The following MYO16 variants were observed in gnomAD, a reference collection of about 807,000 sequenced individuals.
MYO16 encodes unconventional myosin-XVI.
A neutral mutation model predicts 205.3 loss-of-function variants in MYO16; 94 were observed. The ratio of observed to expected loss-of-function variants is 0.46; its 90% CI spans 0.39 to 0.54. The LOEUF (loss-of-function observed/expected upper bound fraction) is 0.54, where lower values mean the gene tolerates loss of function less well. MYO16 is among the 20% of genes least tolerant of loss of function. The pLI is 0.00. For synonymous variants in MYO16, 988 were observed against 954.0 expected (o/e 1.04, Z -0.66); for missense variants, 2,315 against 2,387.5 (o/e 0.97, Z 0.63).
intron 4 of MYO16, among the ~76,000 whole-genome samples, chr13:108,781,424 TTCAGCAGCTCTCTCA>T (rs1288925117): frequency 2.6e-5 from 4 of 152,346 alleles, no homozygotes; most frequent in South Asian, 4.1e-4. Flanking sequence ...TATGGCTTTA[TTCAGCAGCTCTCTCA>T]GCAGCAGCTC....
intron 34 of MYO16, among the ~76,000 whole-genome samples, chr13:109,199,257 C>T (rs1880311637): frequency 7.4e-6 from 1 of 135,166 alleles, no homozygotes; most frequent in African/African-American, 2.7e-5. Context: ...TTTTGCCTCG[C>T]TCCATCTCTG....
At chr13:108,878,692 A>C (rs1203846621) in intron 12 of MYO16, among the ~76,000 whole-genome samples, 3 of 152,346 alleles carry the variant, frequency 2.0e-5, no homozygotes, top group African/African-American at 7.2e-5. Flanking sequence ...ACACATGCCC[A>C]CTTGGGCTTC....
At chr13:108,608,582 C>T (rs1566502997) in intron 1 of MYO16, among the ~76,000 whole-genome samples, 1 of 152,110 alleles carries the variant, frequency 6.6e-6, no homozygotes, top group Non-Finnish European at 1.5e-5. Flanking sequence ...CACACGCATA[C>T]ATATACACAT....
chr13:109,098,148 C>T (rs1888838513), intron 27 of MYO16, among the ~76,000 whole-genome samples: 1 of 141,400 alleles, frequency 7.1e-6, no homozygotes, highest in Admixed American at 7.2e-5. Flanking sequence ...GGAGAGAGAA[C>T]CTTCTTGTTC....
chr13:109,052,612 C>A, intron 25 of MYO16, 137 bp downstream of exon 25: 1 of 675,490 alleles, frequency 1.5e-6, no homozygotes, highest in Non-Finnish European at 2.4e-6. Context: ...GAAAAGAATG[C>A]CTATCTGATG....
rs540507693 is a variant in MYO16 at position 108,850,069 on chromosome 13, A to G, written c.1249-5374A>G. ...TTTTTTGTGTGTGTAACTTATCCAT[A>G]CTGGGTTATTTGCGCCTAGACTGCC... On this transcript the variant is annotated intron_variant, in intron 10 of 34. Transcript: ENST00000457511. Among the ~76,000 whole-genome samples the G allele has an allele frequency of 3.5e-5, 5 of 143,292 alleles. No individual in the cohort carries two copies. In the South Asian group the frequency reaches 1.1e-3, roughly 31 times the overall value. The allele number at this position is 143,292 out of a possible 152,430, so 94.0% of individuals were successfully genotyped here.
intron 27 of MYO16, among the ~76,000 whole-genome samples, chr13:109,073,049 C>A (rs1887974988): frequency 6.6e-6 from 1 of 151,818 alleles, no homozygotes; most frequent in Non-Finnish European, 1.5e-5. Flanking sequence ...TTTCAATTTT[C>A]TATTTGATTT....
chr13:109,133,667 A>G (rs572030832), intron 31 of MYO16, among the ~76,000 whole-genome samples: 2 of 152,354 alleles, frequency 1.3e-5, no homozygotes, highest in Admixed American at 6.5e-5. Flanking sequence ...TTCTGTGATC[A>G]TGGACTGTCT....
chr13:108,931,228 C>A (rs1882241415), intron 16 of MYO16, among the ~76,000 whole-genome samples: 1 of 152,208 alleles, frequency 6.6e-6, no homozygotes, highest in Non-Finnish European at 1.5e-5. Flanking sequence ...TTCCTGTCTG[C>A]CTAACAATTC....
chr13:108,847,570 A>T (rs190215671), intron 10 of MYO16, among the ~76,000 whole-genome samples: 2,353 of 152,292 alleles, frequency 0.015, 63 homozygotes, highest in African/African-American at 0.054. Flanking sequence ...GAAAATTTTA[A>T]AAAATTAAAA....
chr13:108,806,909 T>TA, intron 7 of MYO16, 105 bp downstream of exon 7: 1 of 889,530 alleles, frequency 1.1e-6, no homozygotes, highest in Non-Finnish European at 1.5e-6. Context: ...ATCATTATTG[T>TA]AATTTGACTT....
At chr13:108,867,468 A>G (rs1337137538) in intron 12 of MYO16, among the ~76,000 whole-genome samples, 1 of 152,152 alleles carries the variant, frequency 6.6e-6, no homozygotes, top group African/African-American at 2.4e-5. Flanking sequence ...TCCCAATCCT[A>G]TGCCAACCTC....
At chr13:108,918,135 A>T (rs1468800458) in intron 16 of MYO16, among the ~76,000 whole-genome samples, 2 of 152,256 alleles carry the variant, frequency 1.3e-5, no homozygotes, top group Non-Finnish European at 2.9e-5. Flanking sequence ...TGCTTCAGCA[A>T]GAGAACTATT....
Position 109,091,122 on chromosome 13 carries a change from T to C in MYO16, c.3336-9663T>C, listed in dbSNP as rs34482350. On this transcript the variant is annotated intron_variant, in intron 27 of 34. Transcript: ENST00000457511. Reference sequence around the variant, plus strand: ...GGAATATGAATATAAGTTCATAGAATGGGGGAAATGCATCCATATGTAGCC... The same window carrying C: ...GGAATATGAATATAAGTTCATAGAACGGGGGAAATGCATCCATATGTAGCC... 9.5e-3 allele frequency among the ~76,000 whole-genome samples: 1,448 copies of C among 152,248 alleles called. 11 individuals are homozygous for C. The highest frequency in any genetic ancestry group is 0.016 in the Non-Finnish European group (1,059 of 68,038).
intron 32 of MYO16, among the ~76,000 whole-genome samples, chr13:109,146,837 GA>G (rs1877358372): frequency 6.9e-6 from 1 of 145,000 alleles, no homozygotes; most frequent in Non-Finnish European, 1.5e-5. Flanking sequence ...GAGAGAAAGA[GA>G]AAAAGAGAAA....
At chr13:109,184,215 G>C (rs1879579155) in intron 34 of MYO16, among the ~76,000 whole-genome samples, 2 of 151,928 alleles carry the variant, frequency 1.3e-5, no homozygotes, top group African/African-American at 4.8e-5. Context: ...AACCATATAT[G>C]AGCTACAAAG....
chr13:109,052,841 A>G (rs187055766), intron 25 of MYO16, among the ~76,000 whole-genome samples: 2 of 152,242 alleles, frequency 1.3e-5, no homozygotes, highest in East Asian at 3.9e-4. Flanking sequence ...ATCACTTCAG[A>G]TAACTGAGGT....
At chr13:108,840,657 C>A (rs1877196947) in intron 9 of MYO16, among the ~76,000 whole-genome samples, 1 of 152,180 alleles carries the variant, frequency 6.6e-6, no homozygotes, top group Non-Finnish European at 1.5e-5. Context: ...CCCACCTCAG[C>A]CTCCTGAGTA....
At chr13:108,936,899 T>A (rs1393711703) in intron 16 of MYO16, among the ~76,000 whole-genome samples, 3 of 152,222 alleles carry the variant, frequency 2.0e-5, no homozygotes, top group African/African-American at 7.2e-5. Flanking sequence ...AGCTGTTAGC[T>A]CTATGCTTTG....
Sources: allele counts gnomAD v4.1 joint callset (sites outside exome capture counted in the v4.1 genomes callset), GRCh38; gene constraint gnomAD v4.1.1; transcripts MANE v1.5; gene names NCBI Gene and HGNC (gene_info 2026-07-23, HGNC 2026-07-21).